The following CDH10 variants were observed in gnomAD, a reference collection of about 807,000 sequenced individuals.
CDH10 encodes the protein cadherin 10.
Under a neutral mutation model 73.1 loss-of-function variants are expected in CDH10, and 30 were observed. The ratio of observed to expected loss-of-function variants is 0.41; its 90% CI spans 0.31 to 0.56. The LOEUF is 0.56. Among genes scored for constraint, CDH10 ranks in the 20% least tolerant of loss-of-function variants. The pLI is 0.27. For missense variants in CDH10, 815 were observed against 973.7 expected (o/e 0.84, Z 2.17); for synonymous variants, 345 against 348.2 (o/e 0.99, Z 0.10).
Position 24,629,319 on chromosome 5 carries a change from C to T in CDH10, c.-124+15275G>A, listed in dbSNP as rs546099975. Among the ~76,000 whole-genome samples the T allele has an allele frequency of 3.9e-5, 6 of 152,164 alleles. 1 individual carries two copies. In the South Asian group the frequency reaches 1.2e-3, roughly 32 times the overall value. The stretch of plus-strand genomic sequence containing the variant: ...AGTTACAATTATGAATCTACCCAAA[C>T]CACCCAGCAAGAATTTTAAAATATA... On this transcript the variant is annotated intron_variant, in intron 1 of 11. Coordinates refer to ENST00000264463, the MANE Select transcript of CDH10 (RefSeq NM_006727.5).
chr5:24,569,551 TA>T (rs1745293015), intron 2 of CDH10, among the ~76,000 whole-genome samples: 1 of 152,154 alleles, frequency 6.6e-6, no homozygotes, highest in African/African-American at 2.4e-5. Flanking sequence ...ATAATTTTCA[TA>T]AAAATAATGG....
chr5:24,527,679 C>T (rs1401285461), intron 5 of CDH10, among the ~76,000 whole-genome samples: 1 of 151,752 alleles, frequency 6.6e-6, no homozygotes, highest in Non-Finnish European at 1.5e-5. Context: ...TAGCTAAACA[C>T]AGTAAAAAAT....
In CDH10 at chr5:24,626,867, T is replaced by C. The variant is rs189945056; in HGVS notation, c.-124+17727A>G. 1.2e-4 allele frequency among the ~76,000 whole-genome samples: 13 copies of C among 104,738 alleles called. No homozygotes were observed. The East Asian group carries it at 3.2e-3, about 26-fold the overall frequency. The allele number at this position is 104,738 out of a possible 152,430, so 68.7% of individuals were successfully genotyped here. A position where few individuals can be genotyped will look rare whatever the true frequency, so the allele number is the denominator to read the frequency against. On this transcript the variant is annotated intron_variant, in intron 1 of 11. Transcript: ENST00000264463. ...ATATATATAAGTGTATATATATGTG[T>C]ATATATAAGTGTATATATATGTGTA...
chr5:24,537,095 A>G (rs1743981070), intron 3 of CDH10, among the ~76,000 whole-genome samples: 1 of 151,918 alleles, frequency 6.6e-6, no homozygotes. Flanking sequence ...TCCAAGGGAC[A>G]AAAAAATTAT....
At chr5:24,542,666 A>G (rs1744198407) in intron 2 of CDH10, among the ~76,000 whole-genome samples, 1 of 152,190 alleles carries the variant, frequency 6.6e-6, no homozygotes, top group Non-Finnish European at 1.5e-5. Flanking sequence ...TGGGTGGCTT[A>G]TAAGCAACAG....
chr5:24,495,741 G>T (rs1026074552), intron 9 of CDH10, among the ~76,000 whole-genome samples: 1 of 151,904 alleles, frequency 6.6e-6, no homozygotes, highest in African/African-American at 2.4e-5. Flanking sequence ...CAGCTACTTG[G>T]GAGGCTGAGG....
chr5:24,504,421 TCA>T (rs1394535839), intron 8 of CDH10, among the ~76,000 whole-genome samples: 1 of 151,462 alleles, frequency 6.6e-6, no homozygotes, highest in African/African-American at 2.4e-5. Flanking sequence ...TAAAAACATT[TCA>T]GTTTTGCCAC....
At chr5:24,509,400 C>T (rs567631040) in intron 7 of CDH10, among the ~76,000 whole-genome samples, 166 bp downstream of exon 7, 133 of 151,686 alleles carry the variant, frequency 8.8e-4, no homozygotes, top group Non-Finnish European at 1.4e-3. Flanking sequence ...CCACCAAGAC[C>T]GGCTAATTTT....
intron 2 of CDH10, among the ~76,000 whole-genome samples, chr5:24,553,783 T>C (rs563223392): frequency 6.6e-6 from 1 of 152,160 alleles, no homozygotes; most frequent in East Asian, 2.0e-4. Context: ...TAATTCCTCT[T>C]CCCTTGAATA....
chr5:24,519,980 C>A (rs6886343), intron 5 of CDH10, among the ~76,000 whole-genome samples: 73,550 of 151,980 alleles, frequency 0.48, 17,899 homozygotes, highest in East Asian at 0.58. Context: ...ACCATTGCAC[C>A]CCATCTCCTC....
chr5:24,537,619 T>G lies in CDH10; in HGVS notation c.287A>C (p.Asp96Ala). ...DGSLKYILSG[D>A]GAGTLFIIDE... ...AATAATAAAAAGAGTACCAGCTCCATCTCCAGATAAGATATATTTGAGTGA... is the reference window on the plus strand; with the variant it reads ...AATAATAAAAAGAGTACCAGCTCCAGCTCCAGATAAGATATATTTGAGTGA... Residue 96 changes from aspartate to alanine, a missense_variant, in exon 3 of 12, where the codon GAT becomes GCT. Asp to Ala is a moderately radical substitution (Grantham distance 126). Coordinates refer to ENST00000264463, the MANE Select transcript of CDH10 (RefSeq NM_006727.5). 3 of 1,605,516 alleles carry G rather than the reference T, an allele frequency of 1.9e-6. No homozygotes were observed. Among genetic ancestry groups the G allele is most frequent in the Non-Finnish European group, 2.6e-6 (3 of 1,172,646 alleles).
chr5:24,539,130 G>A (rs1744064796), intron 2 of CDH10, among the ~76,000 whole-genome samples: 1 of 151,638 alleles, frequency 6.6e-6, no homozygotes, highest in African/African-American at 2.4e-5. Flanking sequence ...ATCAGAATAG[G>A]CACACTGATC....
At chr5:24,514,800 A>G (rs1743049518) in intron 5 of CDH10, among the ~76,000 whole-genome samples, 1 of 152,122 alleles carries the variant, frequency 6.6e-6, no homozygotes, top group Non-Finnish European at 1.5e-5. Context: ...TTTTTCAATT[A>G]ATGAGTTTTC....
chr5:24,594,666 T>G (rs1242684677), intron 1 of CDH10, among the ~76,000 whole-genome samples: 3 of 151,962 alleles, frequency 2.0e-5, no homozygotes, highest in Non-Finnish European at 4.4e-5. Context: ...AACTTCCTAC[T>G]TGTTCTCTGT....
At chr5:24,631,147 C>T (rs561427322) in intron 1 of CDH10, among the ~76,000 whole-genome samples, 74 of 152,248 alleles carry the variant, frequency 4.9e-4, no homozygotes, top group African/African-American at 1.8e-3. Context: ...TAGTGAGTAA[C>T]ACAAAGTGTC....
chr5:24,612,049 C>T (rs1746967034), intron 1 of CDH10: 1 of 152,140 alleles, frequency 6.6e-6, no homozygotes, highest in Admixed American at 6.6e-5. Context: ...GCCTGCATTC[C>T]TGACCTACAG....
At chr5:24,532,920 T>C (rs1223255936) in intron 5 of CDH10, among the ~76,000 whole-genome samples, 1 of 152,086 alleles carries the variant, frequency 6.6e-6, no homozygotes, top group Admixed American at 6.6e-5. Context: ...AAAGATTGTC[T>C]ATTTATTTAA....
chr5:24,607,228 C>T (rs10054106), intron 1 of CDH10, among the ~76,000 whole-genome samples: 45,528 of 151,820 alleles, frequency 0.3, 7,844 homozygotes, highest in African/African-American at 0.48. Context: ...TTGATGCCGA[C>T]GCCTGCAGCA....
intron 1 of CDH10, among the ~76,000 whole-genome samples, chr5:24,637,025 C>A (rs1252176696): frequency 6.6e-6 from 1 of 151,950 alleles, no homozygotes. Flanking sequence ...GCTATAAATG[C>A]AACAATGCAG....
Sources: allele counts gnomAD v4.1 joint callset (sites outside exome capture counted in the v4.1 genomes callset), GRCh38; gene constraint gnomAD v4.1.1; transcripts MANE v1.5; gene names NCBI Gene and HGNC (gene_info 2026-07-23, HGNC 2026-07-21).